The following TMEM232 variants were observed in gnomAD, a reference collection of about 807,000 sequenced individuals.
TMEM232 encodes the protein transmembrane protein 232.
TMEM232 carries 80 observed loss-of-function variants against 78.8 expected under a neutral mutation model. The ratio of observed to expected loss-of-function variants is 1.01; its 90% CI spans 0.85 to 1.22. The LOEUF (loss-of-function observed/expected upper bound fraction) is 1.22, where lower values mean the gene tolerates loss of function less well. Among genes scored for constraint, TMEM232 ranks in the 50% most tolerant of loss-of-function variants. The pLI is 0.00. For synonymous variants in TMEM232, 297 were observed against 254.3 expected (o/e 1.17, Z -1.60); for missense variants, 881 against 742.2 (o/e 1.19, Z -2.17).
At chr5:110,705,881 A>C (rs2150293702) in intron 1 of TMEM232, among the ~76,000 whole-genome samples, 1 of 151,800 alleles carries the variant, frequency 6.6e-6, no homozygotes, top group Admixed American at 6.6e-5. Context: ...GAAATCACGG[A>C]CCCTAATTTC....
rs1351809939 is a variant in TMEM232 at position 110,700,778 on chromosome 5, A to ATAGG, written c.-13+25848_-13+25849insCCTA. ...GGTAGGTAGGTAGGTAGGTAGATAGATAGATAGGTAGATAGATAGATAGAT... is the reference window on the plus strand; with the variant it reads ...GGTAGGTAGGTAGGTAGGTAGATAGATAGGTAGATAGGTAGATAGATAGATAGAT... On this transcript the variant is annotated intron_variant, in intron 1 of 13. Transcript: ENST00000455884. 4.1e-3 allele frequency among the ~76,000 whole-genome samples: 514 copies of ATAGG among 125,580 alleles called. 4 individuals are homozygous for ATAGG. Among genetic ancestry groups the ATAGG allele is most frequent in the African/African-American group, 0.011 (374 of 33,190 alleles). 82.4% of individuals were successfully genotyped at this position (125,580 alleles called of 152,430 possible).
At chr5:110,538,039 C>T (rs891956077) in intron 11 of TMEM232, among the ~76,000 whole-genome samples, 1 of 152,162 alleles carries the variant, frequency 6.6e-6, no homozygotes, top group African/African-American at 2.4e-5. Flanking sequence ...GACTATAATA[C>T]CCCCATGGGA....
chr5:110,707,272 A>G (rs1304485392), intron 1 of TMEM232, among the ~76,000 whole-genome samples: 1 of 152,192 alleles, frequency 6.6e-6, no homozygotes. Flanking sequence ...ACAGTCATGA[A>G]TCACCGAAAC....
chr5:110,714,007 AG>A (rs951229884), intron 1 of TMEM232, among the ~76,000 whole-genome samples: 1 of 152,234 alleles, frequency 6.6e-6, no homozygotes, highest in Non-Finnish European at 1.5e-5. Context: ...ATTGTTTTTC[AG>A]GAACTATTCC....
intron 1 of TMEM232, among the ~76,000 whole-genome samples, chr5:110,721,425 T>C (rs776238464): frequency 6.6e-6 from 1 of 151,520 alleles, no homozygotes; most frequent in Non-Finnish European, 1.5e-5. Context: ...TTTGTCATAA[T>C]GTCTAGGGTT....
chr5:110,519,809 G>A (rs1769230389), intron 12 of TMEM232, among the ~76,000 whole-genome samples: 1 of 150,920 alleles, frequency 6.6e-6, no homozygotes, highest in Non-Finnish European at 1.5e-5. Flanking sequence ...ATGAAATCCT[G>A]TCATTTGCAA....
At chr5:110,680,151 C>A in intron 1 of TMEM232, among the ~76,000 whole-genome samples, 1 of 152,018 alleles carries the variant, frequency 6.6e-6, no homozygotes, top group East Asian at 1.9e-4. Context: ...GTAATCCCAG[C>A]ACTTTGGGAG....
At chr5:110,406,448 T>A (rs2112576097) in intron 2 of TMEM232, among the ~76,000 whole-genome samples, 1 of 152,170 alleles carries the variant, frequency 6.6e-6, no homozygotes, top group African/African-American at 2.4e-5. Flanking sequence ...TTTCTCTTCC[T>A]TTGAATAAAT....
intron 11 of TMEM232, among the ~76,000 whole-genome samples, chr5:110,530,553 G>T (rs1448249752): frequency 6.6e-6 from 1 of 152,188 alleles, no homozygotes; most frequent in African/African-American, 2.4e-5. Context: ...CATAAAAATA[G>T]AAGAAAATTC....
intron 2 of TMEM232, among the ~76,000 whole-genome samples, chr5:110,657,088 G>T (rs936957695): frequency 3.9e-5 from 6 of 152,000 alleles, no homozygotes; most frequent in African/African-American, 1.4e-4. Context: ...CCTCATCCCA[G>T]CTAGAATGGC....
chr5:110,619,725 T>G (rs987842111), intron 7 of TMEM232, among the ~76,000 whole-genome samples: 1 of 152,156 alleles, frequency 6.6e-6, no homozygotes, highest in Non-Finnish European at 1.5e-5. Flanking sequence ...TAAATGAAAT[T>G]CTTTTCTCAA....
chr5:110,448,169 C>A (rs1447613881), intron 12 of TMEM232, among the ~76,000 whole-genome samples: 1 of 151,852 alleles, frequency 6.6e-6, no homozygotes, highest in Non-Finnish European at 1.5e-5. Flanking sequence ...GTAAAATCTG[C>A]CTTAGATCTC....
At chr5:110,393,579 A>T (rs1479365112) in intron 3 of TMEM232, among the ~76,000 whole-genome samples, 1 of 152,178 alleles carries the variant, frequency 6.6e-6, no homozygotes, top group South Asian at 2.1e-4. Context: ...TTTTAATCCA[A>T]TACAACTTTT....
intron 12 of TMEM232, chr5:110,513,937 G>A (rs1244980066): frequency 5.9e-6 from 1 of 170,148 alleles, no homozygotes; most frequent in East Asian, 1.9e-4. Context: ...ATATTCAGAA[G>A]AAATAAAATC....
At chr5:110,391,320 T>TGA (rs1433740681) in intron 3 of TMEM232, among the ~76,000 whole-genome samples, 4 of 139,358 alleles carry the variant, frequency 2.9e-5, no homozygotes, top group African/African-American at 1.2e-4. Flanking sequence ...TGTGTGTGTG[T>TGA]GTGTGTGAGA....
At chr5:110,605,600 A>T (rs1342032498) in intron 9 of TMEM232, among the ~76,000 whole-genome samples, 1 of 152,190 alleles carries the variant, frequency 6.6e-6, no homozygotes, top group African/African-American at 2.4e-5. Flanking sequence ...AATGGAATGT[A>T]AATTAATTCA....
At chr5:110,722,144 C>A (rs1797712276) in intron 1 of TMEM232, among the ~76,000 whole-genome samples, 1 of 152,006 alleles carries the variant, frequency 6.6e-6, no homozygotes, top group Admixed American at 6.6e-5. Context: ...AAGGACATGG[C>A]AGAAATAAAG....
intron 3 of TMEM232, among the ~76,000 whole-genome samples, chr5:110,392,008 T>A (rs966326997): frequency 5.9e-5 from 9 of 152,176 alleles, no homozygotes; most frequent in African/African-American, 2.2e-4. Context: ...ATTGTTACCC[T>A]AACTAGAGAA....
intron 12 of TMEM232, among the ~76,000 whole-genome samples, chr5:110,461,559 T>TAAAC (rs1439452012): frequency 6.6e-6 from 1 of 152,240 alleles, no homozygotes; most frequent in African/African-American, 2.4e-5. Context: ...GTGGCTACAC[T>TAAAC]AAACAAACAA....
Sources: gnomAD v4.1 joint callset for allele counts (sites outside exome capture counted in the v4.1 genomes callset) on GRCh38, gnomAD v4.1.1 for gene constraint, MANE v1.5 for transcripts, NCBI Gene and HGNC (gene_info 2026-07-23, HGNC 2026-07-21) for gene names.